The following PRKG1 variants were observed in gnomAD, a reference collection of about 807,000 sequenced individuals.
The protein encoded by PRKG1 is protein kinase cGMP-dependent 1.
PRKG1 carries 35 observed loss-of-function variants against 88.1 expected under a neutral mutation model. The ratio of observed to expected loss-of-function variants is 0.40; its 90% CI spans 0.30 to 0.53. The LOEUF (loss-of-function observed/expected upper bound fraction) is 0.53, where lower values mean the gene tolerates loss of function less well. Among genes scored for constraint, PRKG1 ranks in the 20% least tolerant of loss-of-function variants. The probability of loss-of-function intolerance (pLI) is 0.59; values close to 1 mark genes in which losing one functional copy is unlikely to be tolerated. For missense variants in PRKG1, 540 were observed against 839.8 expected, an observed-to-expected ratio of 0.64 and a Z score of 4.41; for synonymous variants, 303 against 292.5, an observed-to-expected ratio of 1.04 and a Z score of -0.37.
chr10:51,761,748 A>G (rs1589265741), intron 3 of PRKG1, among the ~76,000 whole-genome samples: 1 of 152,172 alleles, frequency 6.6e-6, no homozygotes, highest in Admixed American at 6.5e-5. Flanking sequence ...TTTCTCAGGC[A>G]TGGGAACTAT....
intron 12 of PRKG1, among the ~76,000 whole-genome samples, chr10:52,277,746 A>C (rs921060297): frequency 6.6e-6 from 1 of 152,210 alleles, no homozygotes; most frequent in African/African-American, 2.4e-5. Flanking sequence ...CTTTCTGCTA[A>C]TGACCAGCTT....
At chr10:51,421,472 C>A (rs575478198) in intron 2 of PRKG1, among the ~76,000 whole-genome samples, 1 of 152,252 alleles carries the variant, frequency 6.6e-6, no homozygotes, top group Non-Finnish European at 1.5e-5. Context: ...AGGCACTGTG[C>A]CTGGCCCCGA....
At chr10:51,729,222 T>G (rs1023096216) in intron 3 of PRKG1, among the ~76,000 whole-genome samples, 1 of 152,228 alleles carries the variant, frequency 6.6e-6, no homozygotes, top group African/African-American at 2.4e-5. Flanking sequence ...TGAACTTTTC[T>G]GTATTTCACA....
rs1193160651 is a variant in PRKG1 at position 52,188,269 on chromosome 10, T to C, written c.1076+26306T>C. ...ATATATGTGTATATATATACATATG[T>C]ATATATATACATATATATGTGTATA... On this transcript the variant is annotated intron_variant, in intron 9 of 17. Coordinates refer to ENST00000373980, the MANE Select transcript of PRKG1 (RefSeq NM_006258.4). Among the ~76,000 whole-genome samples the C allele has an allele frequency of 2.9e-3, 60 of 20,400 alleles. 1 individual carries two copies. The East Asian group carries it at 0.074, about 25-fold the overall frequency. 13.4% of individuals were successfully genotyped at this position (20,400 alleles called of 152,430 possible).
intron 1 of PRKG1, among the ~76,000 whole-genome samples, chr10:51,133,455 G>A (rs11818941): frequency 0.026 from 3,891 of 152,236 alleles, 99 homozygotes; most frequent in African/African-American, 0.068. Context: ...GATAGGTGTT[G>A]TTTTCATGCT....
At chr10:51,193,168 A>G (rs1253611517) in intron 2 of PRKG1, among the ~76,000 whole-genome samples, 1 of 152,034 alleles carries the variant, frequency 6.6e-6, no homozygotes, top group Non-Finnish European at 1.5e-5. Context: ...CAGAAATGGT[A>G]GAGAAGGAAG....
intron 2 of PRKG1, among the ~76,000 whole-genome samples, chr10:51,191,391 A>G (rs1275687865): frequency 5.9e-5 from 9 of 151,968 alleles, no homozygotes; most frequent in South Asian, 2.1e-4. Flanking sequence ...GAAAAGTGAA[A>G]TAGTGCTTAC....
intron 2 of PRKG1, among the ~76,000 whole-genome samples, chr10:51,413,328 T>C (rs988424914): frequency 2.0e-5 from 3 of 150,034 alleles, no homozygotes; most frequent in African/African-American, 4.9e-5. Context: ...AGAAAGCACC[T>C]TCTCTTAAAA....
chr10:50,994,352 A>G (rs1282763222), intron 1 of PRKG1, among the ~76,000 whole-genome samples: 1 of 151,742 alleles, frequency 6.6e-6, no homozygotes, highest in Non-Finnish European at 1.5e-5. Context: ...TTGTTTAAAA[A>G]TGTTCAGATA....
intron 9 of PRKG1, among the ~76,000 whole-genome samples, chr10:52,166,930 A>G (rs944910427): frequency 7.4e-5 from 11 of 148,318 alleles, no homozygotes; most frequent in Non-Finnish European, 1.5e-4. Flanking sequence ...TATATAAGCC[A>G]AGATAGAGAA....
intron 3 of PRKG1, among the ~76,000 whole-genome samples, chr10:51,577,752 G>T (rs7077591): frequency 0.069 from 10,500 of 152,012 alleles, 1,192 homozygotes; most frequent in African/African-American, 0.24. Context: ...GTTACCTGCA[G>T]TTTGGTTTTG....
intron 2 of PRKG1, among the ~76,000 whole-genome samples, chr10:51,183,065 C>A (rs1196592615): frequency 6.6e-6 from 1 of 152,076 alleles, no homozygotes; most frequent in Non-Finnish European, 1.5e-5. Context: ...AGACTAATAA[C>A]AGTTTTTCTG....
chr10:51,683,440 C>T (rs1840900112), intron 3 of PRKG1, among the ~76,000 whole-genome samples: 1 of 152,210 alleles, frequency 6.6e-6, no homozygotes. Context: ...TCAATGGGCT[C>T]ATTGCCCAAT....
chr10:51,567,992 A>C (rs182300059), intron 3 of PRKG1, among the ~76,000 whole-genome samples: 326 of 152,204 alleles, frequency 2.1e-3, no homozygotes, highest in African/African-American at 7.3e-3. Flanking sequence ...GCTTGTTGGC[A>C]GTATCATTAT....
At chr10:51,113,121 T>C (rs1845017765) in intron 1 of PRKG1, among the ~76,000 whole-genome samples, 3 of 152,200 alleles carry the variant, frequency 2.0e-5, no homozygotes, top group African/African-American at 7.2e-5. Context: ...TAGGCTTTGC[T>C]TTTCTGATAT....
intron 2 of PRKG1, among the ~76,000 whole-genome samples, chr10:51,166,527 A>G (rs187747701): frequency 6.6e-6 from 1 of 152,334 alleles, no homozygotes; most frequent in East Asian, 1.9e-4. Context: ...CTTTAAAGAA[A>G]CCACAATGGT....
intron 3 of PRKG1, among the ~76,000 whole-genome samples, chr10:51,571,569 C>A (rs954096774): frequency 1.3e-5 from 2 of 151,788 alleles, no homozygotes; most frequent in Middle Eastern, 3.4e-3. Context: ...TTAAGAGAAG[C>A]AGGAAGAAGT....
chr10:52,127,256 T>C (rs928383439), intron 7 of PRKG1, among the ~76,000 whole-genome samples: 7 of 152,148 alleles, frequency 4.6e-5, no homozygotes, highest in East Asian at 3.8e-4. Flanking sequence ...CCATTTACCA[T>C]GATAGGGAAC....
chr10:51,147,947 A>G (rs141388769), intron 1 of PRKG1, among the ~76,000 whole-genome samples: 1 of 152,184 alleles, frequency 6.6e-6, no homozygotes, highest in Non-Finnish European at 1.5e-5. Context: ...GCTGGTTGGT[A>G]GTTCTTAGCT....
Sources: allele counts gnomAD v4.1 joint callset (sites outside exome capture counted in the v4.1 genomes callset), GRCh38; gene constraint gnomAD v4.1.1; transcripts MANE v1.5; gene names NCBI Gene and HGNC (gene_info 2026-07-23, HGNC 2026-07-21).